CLSTN2: variants seen among roughly 807,000 people sequenced by gnomAD.
CLSTN2 encodes calsyntenin 2.
Under a neutral mutation model 101.2 loss-of-function variants are expected in CLSTN2, and 48 were observed. The ratio of observed to expected loss-of-function variants is 0.47; its 90% confidence interval spans 0.38 to 0.60. CLSTN2 has a LOEUF of 0.60. Among genes scored for constraint, CLSTN2 ranks in the 20% least tolerant of loss-of-function variants. The pLI is 0.00. For missense variants in CLSTN2, 1,160 were observed against 1,238.2 expected, an observed-to-expected ratio of 0.94 and a Z score of 0.95; for synonymous variants, 481 against 463.6, an observed-to-expected ratio of 1.04 and a Z score of -0.48.
intron 2 of CLSTN2, among the ~76,000 whole-genome samples, chr3:140,301,005 G>A (rs1448027906): frequency 1.3e-5 from 2 of 152,056 alleles, no homozygotes; most frequent in Admixed American, 6.5e-5. Flanking sequence ...GAAGACCTAT[G>A]TCCCAGCTCA....
At chr3:140,254,089 A>G (rs2086585456) in intron 2 of CLSTN2, among the ~76,000 whole-genome samples, 1 of 152,206 alleles carries the variant, frequency 6.6e-6, no homozygotes, top group Non-Finnish European at 1.5e-5. Flanking sequence ...TAACATAGGA[A>G]GGAGAGACTC....
At chr3:140,028,891 C>T (rs2007487627) in intron 1 of CLSTN2, among the ~76,000 whole-genome samples, 1 of 152,092 alleles carries the variant, frequency 6.6e-6, no homozygotes, top group African/African-American at 2.4e-5. Context: ...ACCCTCTGGT[C>T]CCACACCTCC....
chr3:140,098,601 A>AT (rs970209353), intron 1 of CLSTN2, among the ~76,000 whole-genome samples: 5 of 152,000 alleles, frequency 3.3e-5, no homozygotes, highest in African/African-American at 9.7e-5. Flanking sequence ...AAGGCAGTAA[A>AT]TTTTTTTTGG....
intron 8 of CLSTN2, among the ~76,000 whole-genome samples, chr3:140,490,980 A>T (rs753179582): frequency 3.0e-4 from 45 of 152,226 alleles, no homozygotes; most frequent in Admixed American, 5.2e-4. Flanking sequence ...GAGAGGCAGA[A>T]CATTGGAAAC....
chr3:140,370,172 G>A (rs1270891415), intron 2 of CLSTN2, among the ~76,000 whole-genome samples: 2 of 152,184 alleles, frequency 1.3e-5, no homozygotes, highest in African/African-American at 4.8e-5. Flanking sequence ...TGCACAGCCT[G>A]GGCCTTCCCT....
intron 1 of CLSTN2, among the ~76,000 whole-genome samples, chr3:140,055,361 G>A (rs2008077971): frequency 6.6e-6 from 1 of 152,224 alleles, no homozygotes; most frequent in South Asian, 2.1e-4. Context: ...TTTCCAGATT[G>A]CAGCATTTAA....
chr3:140,545,976 G>C (rs1199061335), intron 9 of CLSTN2, among the ~76,000 whole-genome samples: 1 of 152,202 alleles, frequency 6.6e-6, no homozygotes, highest in East Asian at 1.9e-4. Flanking sequence ...CTCATGCCAA[G>C]CTCTCAGTGG....
intron 2 of CLSTN2, among the ~76,000 whole-genome samples, chr3:140,238,125 T>G (rs1223741274): frequency 6.6e-6 from 1 of 152,210 alleles, no homozygotes; most frequent in Admixed American, 6.5e-5. Context: ...AGGCATTAAC[T>G]CTAATGCTAT....
chr3:139,999,198 ATACAGGGGG>A (rs944147425), intron 1 of CLSTN2, among the ~76,000 whole-genome samples: 1 of 152,114 alleles, frequency 6.6e-6, no homozygotes, highest in African/African-American at 2.4e-5. Context: ...TTTATTTTAG[ATACAGGGGG>A]TACATGAGCA....
At chr3:140,160,840 G>T (rs2010035211) in intron 1 of CLSTN2, among the ~76,000 whole-genome samples, 1 of 152,078 alleles carries the variant, frequency 6.6e-6, no homozygotes, top group African/African-American at 2.4e-5. Context: ...GCTTGGTGGG[G>T]AGTCCCTGAG....
chr3:140,152,136 A>C (rs1414594795), intron 1 of CLSTN2, among the ~76,000 whole-genome samples: 1 of 152,210 alleles, frequency 6.6e-6, no homozygotes, highest in Non-Finnish European at 1.5e-5. Flanking sequence ...TTATTACTAA[A>C]AATTAATGTA....
intron 1 of CLSTN2, among the ~76,000 whole-genome samples, chr3:139,949,598 G>T (rs1026474465): frequency 6.6e-6 from 1 of 152,204 alleles, no homozygotes; most frequent in Non-Finnish European, 1.5e-5. Context: ...AGGGTCATGA[G>T]CCTCTGCAGC....
intron 1 of CLSTN2, among the ~76,000 whole-genome samples, chr3:140,152,174 A>G (rs562944830): frequency 6.6e-6 from 1 of 152,238 alleles, no homozygotes; most frequent in Non-Finnish European, 1.5e-5. Flanking sequence ...CTAATAAATT[A>G]CAAAGAGCCC....
intron 1 of CLSTN2, among the ~76,000 whole-genome samples, chr3:140,016,821 A>G (rs1351193349): frequency 6.6e-6 from 1 of 151,690 alleles, no homozygotes; most frequent in African/African-American, 2.4e-5. Context: ...AAAAGAAACA[A>G]ACAAAAAAAC....
intron 1 of CLSTN2, among the ~76,000 whole-genome samples, chr3:139,947,161 C>A (rs1407208685): frequency 1.3e-5 from 2 of 152,184 alleles, no homozygotes; most frequent in Non-Finnish European, 2.9e-5. Flanking sequence ...CAATGGCTAA[C>A]CCAAAGGAGT....
intron 1 of CLSTN2, among the ~76,000 whole-genome samples, chr3:140,021,315 G>A (rs2007311253): frequency 3.9e-5 from 6 of 152,226 alleles, no homozygotes; most frequent in South Asian, 4.1e-4. Flanking sequence ...CTTCACTCCA[G>A]CACAGAGCCC....
At chr3:140,162,018 T>TA (rs2010054684) in intron 1 of CLSTN2, among the ~76,000 whole-genome samples, 1 of 152,232 alleles carries the variant, frequency 6.6e-6, no homozygotes, top group Non-Finnish European at 1.5e-5. Context: ...ACAAGAATTT[T>TA]AAAAAACAGT....
At chr3:140,189,117 A>G (rs2010524016) in intron 2 of CLSTN2, among the ~76,000 whole-genome samples, 1 of 152,042 alleles carries the variant, frequency 6.6e-6, no homozygotes, top group African/African-American at 2.4e-5. Flanking sequence ...TGTCCTTTTT[A>G]TTGTTGAGTG....
At chr3:139,950,200 A>G (rs993408917) in intron 1 of CLSTN2, among the ~76,000 whole-genome samples, 3 of 152,206 alleles carry the variant, frequency 2.0e-5, no homozygotes, top group African/African-American at 7.2e-5. Context: ...CCATAAGGAT[A>G]GGCTGGTTTG....
Sources: gnomAD v4.1 joint callset for allele counts (sites outside exome capture counted in the v4.1 genomes callset) on GRCh38, gnomAD v4.1.1 for gene constraint, MANE v1.5 for transcripts, NCBI Gene and HGNC (gene_info 2026-07-23, HGNC 2026-07-21) for gene names.